The following SLC7A8 variants were observed in gnomAD, a reference collection of about 807,000 sequenced individuals.
SLC7A8 encodes large neutral amino acids transporter small subunit 2.
A neutral mutation model predicts 51.2 loss-of-function variants in SLC7A8; 30 were observed. The ratio of observed to expected loss-of-function variants is 0.59; its 90% CI spans 0.44 to 0.80. The LOEUF is 0.80. SLC7A8 is among the 30% of genes least tolerant of loss of function. The pLI is 0.00. For missense variants in SLC7A8, 612 were observed against 674.4 expected (o/e 0.91, Z 1.03); for synonymous variants, 257 against 275.8 (o/e 0.93, Z 0.67).
At position 23,128,763 on chromosome 14, in the gene SLC7A8, C is replaced by A. The variant is rs113791301; in HGVS notation, c.1264-567G>T. Among the ~76,000 whole-genome samples, 2,741 of 152,302 alleles carry A rather than the reference C, an allele frequency of 0.018. 78 individuals are homozygous for A. Among genetic ancestry groups the A allele is most frequent in the African/African-American group, 0.063 (2,605 of 41,560 alleles). On this transcript the variant is annotated intron_variant, in intron 9 of 10. Transcript: ENST00000316902. This position sits in a 1 kb window ranked among gnomAD's most constrained non-coding sequence, Gnocchi z 4.3. ...CCTCTTCAGGGCTCCAGGGGCAGTC[C>A]TGATTCGGCTGCCTTTCTCTTCCTT...
At chr14:23,168,305 C>A (rs2048959909) in intron 1 of SLC7A8, among the ~76,000 whole-genome samples, 1 of 152,212 alleles carries the variant, frequency 6.6e-6, no homozygotes, top group South Asian at 2.1e-4. Flanking sequence ...TTAGCAGGGA[C>A]TACAAAACCT....
chr14:23,173,124 A>C (rs944249553), intron 1 of SLC7A8, among the ~76,000 whole-genome samples: 2 of 152,228 alleles, frequency 1.3e-5, no homozygotes, highest in Non-Finnish European at 2.9e-5. Flanking sequence ...CTATTATTCA[A>C]TACTCACCAT....
At chr14:23,129,950 CAATATGTTACAACATCTTTATTG>C in intron 8 of SLC7A8, 151 bp from the exon 9 acceptor site, 1 of 725,616 alleles carries the variant, frequency 1.4e-6, no homozygotes, top group Non-Finnish European at 2.3e-6. Context: ...CCTAGTAACC[CAATATGTTACAACATCTTTATTG>C]CTAGGAAATC....
At position 23,140,865 on chromosome 14, in the gene SLC7A8, C is replaced by G. The variant is rs142403564; in HGVS notation, c.635-241G>C. 3.9e-5 allele frequency among the ~76,000 whole-genome samples: 6 copies of G among 152,324 alleles called. 1 individual carries two copies. The highest frequency in any genetic ancestry group is 9.6e-5 in the African/African-American group (4 of 41,576). On this transcript the variant is annotated intron_variant, in intron 4 of 10. Transcript: ENST00000316902. ...GAGGGTTTAAGTGCCGTTCTGAATG[C>G]TCCTTTTGTAAAAGGCAAAGTTATT...
chr14:23,141,018 C>T (rs1221747493), intron 4 of SLC7A8, among the ~76,000 whole-genome samples: 1 of 152,196 alleles, frequency 6.6e-6, no homozygotes, highest in East Asian at 1.9e-4. Context: ...CACAGTGGCT[C>T]AGGCCTGTAA....
intron 7 of SLC7A8, among the ~76,000 whole-genome samples, chr14:23,136,155 C>T (rs1384970793): frequency 6.6e-6 from 1 of 152,174 alleles, no homozygotes; most frequent in African/African-American, 2.4e-5. Context: ...AGCAGCTAAT[C>T]AGAAGTGTGG....
At chr14:23,157,114 A>C (rs186130808) in intron 3 of SLC7A8, among the ~76,000 whole-genome samples, 53 of 152,318 alleles carry the variant, frequency 3.5e-4, no homozygotes, top group African/African-American at 1.2e-3. Flanking sequence ...GGTCAACTTG[A>C]CCAGTCTGAA....
At chr14:23,151,619 G>A (rs1041354818) in intron 3 of SLC7A8, among the ~76,000 whole-genome samples, 4 of 151,946 alleles carry the variant, frequency 2.6e-5, no homozygotes, top group Non-Finnish European at 5.9e-5. Flanking sequence ...TTAGCCAGAT[G>A]TGGTGACACA....
chr14:23,146,247 C>G (rs75420989), intron 3 of SLC7A8, among the ~76,000 whole-genome samples: 85 of 152,258 alleles, frequency 5.6e-4, no homozygotes, highest in East Asian at 4.1e-3. Context: ...GTAAGGATTA[C>G]ACAACAAGGA....
chr14:23,155,336 A>G, intron 3 of SLC7A8: 2 of 1,535,006 alleles, frequency 1.3e-6, no homozygotes, highest in Non-Finnish European at 1.7e-6. Flanking sequence ...CTTCCAGCTA[A>G]GCTCCTGCCC....
At chr14:23,146,670 G>C (rs1269501847) in intron 3 of SLC7A8, 2 of 152,232 alleles carry the variant, frequency 1.3e-5, no homozygotes, top group Non-Finnish European at 2.9e-5. Context: ...AGAATGAGGT[G>C]GGGATAGGCA....
intron 3 of SLC7A8, chr14:23,155,112 C>T (rs1044117557): frequency 1.4e-5 from 21 of 1,494,050 alleles, no homozygotes; most frequent in African/African-American, 5.5e-5. Context: ...TCTTGCCTAT[C>T]GCACGATAGT....
At chr14:23,134,699 A>C (rs530200937) in intron 7 of SLC7A8, among the ~76,000 whole-genome samples, 1 of 152,110 alleles carries the variant, frequency 6.6e-6, no homozygotes, top group South Asian at 2.1e-4. Flanking sequence ...CTGGGACTAC[A>C]TGTACATATC....
At chr14:23,131,020 A>G (rs777808654) in intron 8 of SLC7A8, among the ~76,000 whole-genome samples, 19 of 152,192 alleles carry the variant, frequency 1.2e-4, no homozygotes, top group Non-Finnish European at 7.3e-5. Flanking sequence ...CTTCATTTCA[A>G]TGATGTTTCC....
chr14:23,148,475 AC>A, intron 3 of SLC7A8, among the ~76,000 whole-genome samples: 1 of 152,040 alleles, frequency 6.6e-6, no homozygotes. Flanking sequence ...TGATCCACCC[AC>A]CTCGGCCTCC....
intron 3 of SLC7A8, among the ~76,000 whole-genome samples, chr14:23,145,648 T>C (rs2048787862): frequency 6.6e-6 from 1 of 152,108 alleles, no homozygotes; most frequent in Non-Finnish European, 1.5e-5. Flanking sequence ...TCAGCAAGTA[T>C]TTAATAAATG....
intron 3 of SLC7A8, chr14:23,155,568 T>A: frequency 8.8e-7 from 1 of 1,142,406 alleles, no homozygotes; most frequent in Non-Finnish European, 1.1e-6. Context: ...CTGGCCTGGA[T>A]CGGGGAGAAG....
At chr14:23,147,533 C>T (rs1331129419) in intron 3 of SLC7A8, among the ~76,000 whole-genome samples, 1 of 152,148 alleles carries the variant, frequency 6.6e-6, no homozygotes, top group Non-Finnish European at 1.5e-5. Flanking sequence ...TAATCCTGGT[C>T]CAACTGGACA....
intron 3 of SLC7A8, among the ~76,000 whole-genome samples, chr14:23,153,195 T>C (rs1313493772): frequency 6.6e-6 from 1 of 152,132 alleles, no homozygotes; most frequent in African/African-American, 2.4e-5. Flanking sequence ...TCACTGCAGC[T>C]TCCCAGTCCT....
Sources: gnomAD v4.1 joint callset for allele counts (sites outside exome capture counted in the v4.1 genomes callset) on GRCh38, gnomAD v4.1.1 for gene constraint, Gnocchi (gnomAD v3.1) non-coding constraint, MANE v1.5 for transcripts, NCBI Gene and HGNC (gene_info 2026-07-23, HGNC 2026-07-21) for gene names.